Variants in SH3BGRL2 observed in about 807,000 individuals in gnomAD.
SH3BGRL2 encodes SH3 domain binding glutamate rich protein like 2.
In SH3BGRL2, 21 loss-of-function variants were observed where a neutral mutation model predicts 14.8. The ratio of observed to expected loss-of-function variants is 1.42; its 90% CI spans 1.01 to 2.05. The LOEUF (loss-of-function observed/expected upper bound fraction) is 2.05, where lower values mean the gene tolerates loss of function less well. Among genes scored for constraint, SH3BGRL2 ranks in the 30% most tolerant of loss-of-function variants. SH3BGRL2 has a pLI of 0.00. For synonymous variants in SH3BGRL2, 50 were observed against 47.8 expected (o/e 1.05, Z -0.19); for missense variants, 147 against 130.8 (o/e 1.12, Z -0.61).
At chr6:79,666,176 C>T (rs985082405) in intron 1 of SH3BGRL2, among the ~76,000 whole-genome samples, 2 of 152,106 alleles carry the variant, frequency 1.3e-5, no homozygotes, top group Non-Finnish European at 2.9e-5. Context: ...CTGAACTTGT[C>T]GAGGGCCTGC....
chr6:79,544,016 C>T, the SH3BGRL2 span, among the ~76,000 whole-genome samples: 3 of 152,136 alleles, frequency 2.0e-5, no homozygotes, highest in Non-Finnish European at 4.4e-5. Flanking sequence ...CAAATACCAT[C>T]TTCCATAAGT....
chr6:79,563,487 A>G, the SH3BGRL2 span, among the ~76,000 whole-genome samples: 1 of 152,174 alleles, frequency 6.6e-6, no homozygotes, highest in South Asian at 2.1e-4. Context: ...TAGTAAAGTG[A>G]CTTGTTTGAC....
rs1276692996 is a variant in SH3BGRL2 at position 79,699,598 on chromosome 6, A to G, written c.*89A>G. 4 of 1,426,228 alleles carry G rather than the reference A, an allele frequency of 2.8e-6. No individual in the cohort carries two copies. The African/African-American group carries it at 4.4e-5, about 16-fold the overall frequency. 88.3% of individuals were successfully genotyped at this position (1,426,228 alleles called of 1,614,324 possible). A position where few individuals can be genotyped will look rare whatever the true frequency, so the allele number is the denominator to read the frequency against. ...GCTTACCTAATGCATCACTGTGACA[A>G]AAGCCACACGCATTATCAGTAACTT... On this transcript the variant is annotated 3_prime_UTR_variant, in exon 4 of 4. Transcript: ENST00000369838.
At chr6:79,645,323 A>G (rs1769119313) in intron 1 of SH3BGRL2, among the ~76,000 whole-genome samples, 1 of 151,590 alleles carries the variant, frequency 6.6e-6, no homozygotes, top group African/African-American at 2.4e-5. Context: ...TTGAGCAAAT[A>G]TTTTAAATAC....
chr6:79,672,552 C>G (rs1045368349), intron 1 of SH3BGRL2, among the ~76,000 whole-genome samples: 6 of 151,968 alleles, frequency 3.9e-5, no homozygotes, highest in African/African-American at 1.4e-4. Context: ...TCTTTTTAAG[C>G]TGCATACTAT....
At chr6:79,639,220 A>T (rs935338178) in intron 1 of SH3BGRL2, among the ~76,000 whole-genome samples, 4 of 152,228 alleles carry the variant, frequency 2.6e-5, no homozygotes, top group Non-Finnish European at 5.9e-5. Context: ...AAAAATCTAG[A>T]ATCATAGTGA....
At chr6:79,641,094 C>A (rs942022696) in intron 1 of SH3BGRL2, among the ~76,000 whole-genome samples, 4 of 151,432 alleles carry the variant, frequency 2.6e-5, no homozygotes, top group African/African-American at 9.7e-5. Context: ...GGAGTGTGGT[C>A]TTCTTCATTC....
the SH3BGRL2 span, among the ~76,000 whole-genome samples, chr6:79,614,190 T>G: frequency 6.6e-6 from 1 of 152,180 alleles, no homozygotes; most frequent in African/African-American, 2.4e-5. Flanking sequence ...TAGCTTATGT[T>G]TTTTTCCAAA....
chr6:79,572,504 C>T, the SH3BGRL2 span, among the ~76,000 whole-genome samples: 4 of 151,968 alleles, frequency 2.6e-5, no homozygotes, highest in South Asian at 2.1e-4. Flanking sequence ...CTCACTCTGT[C>T]GCCCAGGCTG....
intron 1 of SH3BGRL2, among the ~76,000 whole-genome samples, chr6:79,637,551 G>A (rs1768949535): frequency 6.6e-6 from 1 of 152,026 alleles, no homozygotes; most frequent in Non-Finnish European, 1.5e-5. Flanking sequence ...AAATTAGCCT[G>A]GTATGGTGGC....
intron 1 of SH3BGRL2, among the ~76,000 whole-genome samples, chr6:79,652,068 C>A (rs978430207): frequency 3.3e-5 from 5 of 152,132 alleles, no homozygotes; most frequent in African/African-American, 1.2e-4. Flanking sequence ...GGCAAAATCA[C>A]CTCCAATTAA....
intron 2 of SH3BGRL2, among the ~76,000 whole-genome samples, chr6:79,682,970 T>C (rs150112594): frequency 0.018 from 2,702 of 152,294 alleles, 83 homozygotes; most frequent in African/African-American, 0.061. Flanking sequence ...GAACACTGCA[T>C]GTTCTCACTC....
chr6:79,567,539 G>C, the SH3BGRL2 span, among the ~76,000 whole-genome samples: 1 of 152,186 alleles, frequency 6.6e-6, no homozygotes, highest in Non-Finnish European at 1.5e-5. Context: ...TTTTAGAGAG[G>C]TGTAGAAGAA....
intron 1 of SH3BGRL2, among the ~76,000 whole-genome samples, chr6:79,641,563 T>G (rs562475539): frequency 1.3e-5 from 2 of 152,320 alleles, no homozygotes; most frequent in South Asian, 4.1e-4. Context: ...ACAAGTAACC[T>G]TAGCCTCTTC....
At chr6:79,637,132 A>G (rs1186763950) in intron 1 of SH3BGRL2, among the ~76,000 whole-genome samples, 2 of 152,216 alleles carry the variant, frequency 1.3e-5, no homozygotes, top group Non-Finnish European at 2.9e-5. Context: ...TAGTCTATGT[A>G]TGAGGTCTTC....
At chr6:79,576,407 T>C in the SH3BGRL2 span, among the ~76,000 whole-genome samples, 7 of 152,302 alleles carry the variant, frequency 4.6e-5, no homozygotes, top group African/African-American at 1.7e-4. Flanking sequence ...ATTTCATCAT[T>C]ATTCTTGTAT....
At chr6:79,682,258 C>T (rs1034967362) in intron 2 of SH3BGRL2, among the ~76,000 whole-genome samples, 11 of 152,164 alleles carry the variant, frequency 7.2e-5, no homozygotes, top group Non-Finnish European at 1.6e-4. Context: ...TCAAAGAAGA[C>T]TGCAAACATT....
chr6:79,642,546 G>A (rs1169736588), intron 1 of SH3BGRL2, among the ~76,000 whole-genome samples: 2 of 152,118 alleles, frequency 1.3e-5, no homozygotes, highest in African/African-American at 2.4e-5. Flanking sequence ...CCTTGATTGG[G>A]ATCAGCAGGA....
chr6:79,692,966 A>T (rs1407560553), intron 2 of SH3BGRL2, among the ~76,000 whole-genome samples: 1 of 152,088 alleles, frequency 6.6e-6, no homozygotes, highest in Non-Finnish European at 1.5e-5. Flanking sequence ...CATTTTCACG[A>T]TATTGATTCT....
Sources: gnomAD v4.1 joint callset for allele counts (sites outside exome capture counted in the v4.1 genomes callset) on GRCh38, gnomAD v4.1.1 for gene constraint, MANE v1.5 for transcripts, NCBI Gene and HGNC (gene_info 2026-07-23, HGNC 2026-07-21) for gene names.